Variants in GVQW3 observed in about 807,000 individuals in gnomAD.
The protein encoded by GVQW3 is protein GVQW3.
GVQW3 carries 7 observed loss-of-function variants against 12.5 expected under a neutral mutation model. The ratio of observed to expected loss-of-function variants is 0.56; its 90% CI spans 0.32 to 1.05. GVQW3 has a LOEUF of 1.05. Ranked by LOEUF, GVQW3 falls within the 50% of genes least tolerant of loss-of-function variation. GVQW3 has a pLI of 0.04. For missense variants in GVQW3, 188 were observed against 190.8 expected, an observed-to-expected ratio of 0.99 and a Z score of 0.09; for synonymous variants, 71 against 67.2, an observed-to-expected ratio of 1.06 and a Z score of -0.28.
At chr11:76,395,965 G>A (rs936720653) in intron 1 of GVQW3, among the ~76,000 whole-genome samples, 2 of 152,196 alleles carry the variant, frequency 1.3e-5, no homozygotes, top group African/African-American at 4.8e-5. Context: ...CACTCTAGAT[G>A]TTAGGAATAG....
chr11:76,393,663 G>A (rs745935154), intron 1 of GVQW3, among the ~76,000 whole-genome samples: 4 of 150,956 alleles, frequency 2.6e-5, no homozygotes, highest in Non-Finnish European at 5.9e-5. Context: ...AACCCACTCA[G>A]TGAAGCAGCC....
intron 1 of GVQW3, among the ~76,000 whole-genome samples, chr11:76,398,203 G>A (rs1258246612): frequency 1.3e-5 from 2 of 152,004 alleles, no homozygotes; most frequent in Non-Finnish European, 2.9e-5. Flanking sequence ...ATTCCTGGAA[G>A]TTTTAGCAGT....
At chr11:76,409,871 G>T (rs59291635), downstream of GVQW3, among the ~76,000 whole-genome samples, 1,030 of 152,258 alleles carry the variant, frequency 6.8e-3, 16 homozygotes, top group African/African-American at 0.024. Flanking sequence ...TTATTGATCA[G>T]TGCCAGGCCC....
intron 1 of GVQW3, among the ~76,000 whole-genome samples, chr11:76,395,941 G>A (rs1395745027): frequency 2.0e-5 from 3 of 152,164 alleles, no homozygotes; most frequent in Non-Finnish European, 4.4e-5. Flanking sequence ...GAAACCTTAT[G>A]AAATATGTCT....
At chr11:76,394,724 A>G (rs61892853) in intron 1 of GVQW3, among the ~76,000 whole-genome samples, 3,785 of 152,244 alleles carry the variant, frequency 0.025, 69 homozygotes, top group African/African-American at 0.047. Context: ...GGATTGCTAG[A>G]TTATATGGTA....
intron 1 of GVQW3, among the ~76,000 whole-genome samples, chr11:76,388,869 A>C (rs990152788): frequency 2.0e-5 from 3 of 152,118 alleles, no homozygotes; most frequent in African/African-American, 7.2e-5. Context: ...CTTTAGACAG[A>C]TCTATATTGG....
intron 1 of GVQW3, chr11:76,392,237 T>G (rs1946899560): frequency 6.6e-6 from 1 of 152,248 alleles, no homozygotes; most frequent in African/African-American, 2.4e-5. Flanking sequence ...GACAGTGGAC[T>G]GTAAAGAAGC....
chr11:76,393,045 C>T (rs1408230193), intron 1 of GVQW3: 1 of 152,184 alleles, frequency 6.6e-6, no homozygotes, highest in Admixed American at 6.5e-5. Flanking sequence ...ATTCTTCACA[C>T]TTCACTTATA....
chr11:76,394,998 A>G (rs1255713215), intron 1 of GVQW3: 2 of 152,230 alleles, frequency 1.3e-5, no homozygotes, highest in Non-Finnish European at 2.9e-5. Context: ...CTACTAGCCC[A>G]GGACCTCCTA....
At chr11:76,409,797 T>C (rs757735360), downstream of GVQW3, among the ~76,000 whole-genome samples, 3 of 152,212 alleles carry the variant, frequency 2.0e-5, no homozygotes, top group Non-Finnish European at 4.4e-5. Context: ...CCTAGAATAC[T>C]GAACTGTCAC....
rs1947012925 is a variant in GVQW3, at chr11:76,403,781, A to T, written c.*23A>T. 3 of 563,330 alleles carry T rather than the reference A, an allele frequency of 5.3e-6. No individual in the cohort carries two copies. Among genetic ancestry groups the T allele is most frequent in the Non-Finnish European group, 9.8e-6 (3 of 306,946 alleles). 34.9% of individuals were successfully genotyped at this position (563,330 alleles called of 1,614,324 possible). On this transcript the variant is annotated 3_prime_UTR_variant, in exon 2 of 2. Coordinates refer to ENST00000529331, the MANE Select transcript of GVQW3 (RefSeq NM_001347885.2). ...TGAGCCACCATGCCAAGCCAAAACCAGGAGTTCAATGGTGTAAATTCCAGT... is the reference window on the plus strand; with the variant it reads ...TGAGCCACCATGCCAAGCCAAAACCTGGAGTTCAATGGTGTAAATTCCAGT...
At chr11:76,408,160 A>T (rs773995766), downstream of GVQW3, 2 of 152,198 alleles carry the variant, frequency 1.3e-5, no homozygotes, top group Non-Finnish European at 2.9e-5. Context: ...GAGAAAAGAG[A>T]TCTGCCCCCA....
At chr11:76,409,911 C>G (rs1260785552), downstream of GVQW3, among the ~76,000 whole-genome samples, 2 of 152,152 alleles carry the variant, frequency 1.3e-5, no homozygotes, top group East Asian at 1.9e-4. Flanking sequence ...CCTGCTCATT[C>G]TTATAAGTCT....
At chr11:76,396,491 T>A (rs1204138706) in intron 1 of GVQW3, among the ~76,000 whole-genome samples, 1 of 151,968 alleles carries the variant, frequency 6.6e-6, no homozygotes, top group Non-Finnish European at 1.5e-5. Context: ...ATTTTGTATT[T>A]TTTTGTAGGG....
At chr11:76,396,735 A>G (rs1050305693) in intron 1 of GVQW3, among the ~76,000 whole-genome samples, 5 of 152,200 alleles carry the variant, frequency 3.3e-5, no homozygotes, top group Non-Finnish European at 7.3e-5. Context: ...AATCGTTAGT[A>G]TATTTACAAA....
At chr11:76,402,307 CT>C (rs553752176) in intron 1 of GVQW3, among the ~76,000 whole-genome samples, 20 of 152,242 alleles carry the variant, frequency 1.3e-4, no homozygotes, top group Admixed American at 1.2e-3. Context: ...AATCCCAGCA[CT>C]TTGGGAGGCT....
intron 1 of GVQW3, chr11:76,392,743 G>C (rs1946904842): frequency 6.6e-6 from 1 of 152,192 alleles, no homozygotes; most frequent in Admixed American, 6.5e-5. Flanking sequence ...AGGTCCCCTG[G>C]TCCTTCCAGA....
chr11:76,388,419 G>A (rs116157422), intron 1 of GVQW3, among the ~76,000 whole-genome samples: 58 of 152,208 alleles, frequency 3.8e-4, no homozygotes, highest in African/African-American at 1.4e-3. Context: ...TATTTAAACT[G>A]ATTTTCCAAA....
At chr11:76,387,544 G>A (rs913149609) in intron 1 of GVQW3, among the ~76,000 whole-genome samples, 1 of 152,150 alleles carries the variant, frequency 6.6e-6, no homozygotes, top group Non-Finnish European at 1.5e-5. Flanking sequence ...TATGAAGTGT[G>A]TATATAAAAA....
Sources: gnomAD v4.1 joint callset for allele counts (sites outside exome capture counted in the v4.1 genomes callset) on GRCh38, gnomAD v4.1.1 for gene constraint, MANE v1.5 for transcripts, NCBI Gene and HGNC (gene_info 2026-07-23, HGNC 2026-07-21) for gene names.